PLA2G6: variants seen among roughly 807,000 people sequenced by gnomAD.
The protein encoded by PLA2G6 is 85/88 kDa calcium-independent phospholipase A2.
PLA2G6 carries 62 observed loss-of-function variants against 83.8 expected under a neutral mutation model. The observed-to-expected ratio is 0.74, with a 90% confidence interval of 0.60 to 0.91. The LOEUF (loss-of-function observed/expected upper bound fraction) is 0.91, where lower values mean the gene tolerates loss of function less well. Among genes scored for constraint, PLA2G6 ranks in the 40% least tolerant of loss-of-function variants. The probability of loss-of-function intolerance (pLI) is 0.00; values close to 1 mark genes in which losing one functional copy is unlikely to be tolerated. For synonymous variants in PLA2G6, 417 were observed against 449.8 expected (o/e 0.93, Z 0.92); for missense variants, 944 against 1,102.0 (o/e 0.86, Z 2.03).
chr22:38,169,566 C>T (rs1252492040), intron 1 of PLA2G6, 95 bp from the exon 2 acceptor site: 2 of 726,502 alleles, frequency 2.8e-6, no homozygotes, highest in African/African-American at 1.7e-5. Flanking sequence ...CCAGATCACT[C>T]CCCACCAGCG....
chr22:38,113,843 G>A, intron 14 of PLA2G6, 189 bp from the exon 15 acceptor site: 2 of 693,948 alleles, frequency 2.9e-6, no homozygotes, highest in South Asian at 3.0e-5. Context: ...AGAACGGCTG[G>A]TGCGGGCATC....
intron 5 of PLA2G6, 57 bp downstream of exon 5, chr22:38,139,925 G>A (rs1026809815): frequency 7.2e-7 from 1 of 1,398,540 alleles, no homozygotes. Flanking sequence ...CACGGGACAG[G>A]TGACAGGAGA....
At chr22:38,112,431 C>T in intron 16 of PLA2G6, 73 bp downstream of exon 16, 1 of 1,506,630 alleles carries the variant, frequency 6.6e-7, no homozygotes, top group African/African-American at 1.4e-5. Context: ...CACACTAGGG[C>T]TGGGAGGGGA....
In PLA2G6 at chr22:38,174,223, C is replaced by G. The variant is rs368514958; in HGVS notation, c.-45-4752G>C. Among the ~76,000 whole-genome samples, 228 of 151,756 alleles carry G rather than the reference C, an allele frequency of 1.5e-3. 1 individual carries two copies. The highest frequency in any genetic ancestry group is 5.4e-3 in the African/African-American group (225 of 41,350). On this transcript the variant is annotated intron_variant, in intron 1 of 16. Coordinates refer to ENST00000332509, the MANE Select transcript of PLA2G6 (RefSeq NM_003560.4). ...CATCCTGGCTAACATGGTGAAACCCCGTCTCTACTAAAAATACAAAAAAAA... is the reference window on the plus strand; with the variant it reads ...CATCCTGGCTAACATGGTGAAACCCGGTCTCTACTAAAAATACAAAAAAAA...
chr22:38,116,182 C>T lies in PLA2G6; in HGVS notation c.1772G>A (p.Arg591Gln), dbSNP rs776713955. 14 of 1,613,994 alleles carry T rather than the reference C, an allele frequency of 8.7e-6. No homozygotes were observed. Among genetic ancestry groups the T allele is most frequent in the East Asian group, 2.2e-5 (1 of 44,864 alleles). ...GAAGAGGTGGAGTTCAGCCGGCTGC[C>T]GGTCAGACAGTGTCCCTGTCAGCAT... The part of the protein sequence containing the change: ...KVMLTGTLSD[R>Q]QPAELHLFRN... Residue 591 changes from arginine to glutamine, a missense_variant, in exon 13 of 17, where the codon CGG becomes CAG. Arg to Gln is a conservative substitution (Grantham distance 43). Transcript: ENST00000332509.
At chr22:38,116,035 GCCAGTCGCTTC>G in intron 13 of PLA2G6, 29 bp downstream of exon 13, 1 of 1,609,778 alleles carries the variant, frequency 6.2e-7, no homozygotes, top group Non-Finnish European at 8.5e-7. Context: ...AGCCTCTCGG[GCCAGTCGCTTC>G]CCATGGATGC....
At chr22:38,140,567 G>A (rs1289117916) in intron 4 of PLA2G6, 2 of 263,510 alleles carry the variant, frequency 7.6e-6, no homozygotes, top group Non-Finnish European at 1.5e-5. Flanking sequence ...GGATGGGAGG[G>A]AAGGGGTCGA....
chr22:38,153,656 C>A (rs2089665408), intron 2 of PLA2G6, among the ~76,000 whole-genome samples: 1 of 151,496 alleles, frequency 6.6e-6, no homozygotes, highest in South Asian at 2.1e-4. Context: ...AAAAAAGATG[C>A]CCAAATAGAA....
chr22:38,154,515 T>C (rs1292567652), intron 2 of PLA2G6, among the ~76,000 whole-genome samples: 5 of 152,260 alleles, frequency 3.3e-5, no homozygotes, highest in Non-Finnish European at 7.3e-5. Context: ...GTGGTACCTT[T>C]ACGAGTCTGC....
intron 3 of PLA2G6, 198 bp downstream of exon 3, chr22:38,145,240 G>C (rs1470072966): frequency 7.9e-6 from 5 of 635,738 alleles, no homozygotes; most frequent in Non-Finnish European, 1.1e-5. Context: ...ATTTTGCCAG[G>C]CTGGTCTTGA....
rs909970187 is a variant in PLA2G6, at chr22:38,133,169, A to C, written c.895-156T>G. 5.6e-6 allele frequency: 4 copies of C among 712,704 alleles called. No individual in the cohort carries two copies. The East Asian group carries it at 8.2e-5, about 15-fold the overall frequency. 44.1% of individuals were successfully genotyped at this position (712,704 alleles called of 1,614,324 possible). On this transcript the variant is annotated intron_variant, in intron 6 of 16. Transcript: ENST00000332509. Reference sequence around the variant, plus strand: ...GATTCCAGGGGCAGGCCCCAGTTCTAGGGGGGCCTAGACTGCCTCCCATCC... The same window carrying C: ...GATTCCAGGGGCAGGCCCCAGTTCTCGGGGGGCCTAGACTGCCTCCCATCC...
intron 2 of PLA2G6, among the ~76,000 whole-genome samples, chr22:38,165,417 G>A (rs1012503016): frequency 1.3e-5 from 2 of 152,234 alleles, no homozygotes; most frequent in East Asian, 1.9e-4. Context: ...GGTCAGGGGA[G>A]GGCAAGAGGA....
chr22:38,125,013 G>A (rs2087751573), intron 10 of PLA2G6, among the ~76,000 whole-genome samples: 2 of 152,226 alleles, frequency 1.3e-5, no homozygotes, highest in African/African-American at 4.8e-5. Flanking sequence ...GCAGGGTTCT[G>A]AGGCTCCAGA....
intron 1 of PLA2G6, among the ~76,000 whole-genome samples, chr22:38,175,304 AC>A (rs1231119041): frequency 6.6e-6 from 1 of 151,980 alleles, no homozygotes; most frequent in Non-Finnish European, 1.5e-5. Context: ...ACGGTTCCCA[AC>A]CCAGCCTGAC....
At chr22:38,160,689 C>T (rs2089973855) in intron 2 of PLA2G6, among the ~76,000 whole-genome samples, 1 of 152,068 alleles carries the variant, frequency 6.6e-6, no homozygotes, top group South Asian at 2.1e-4. Flanking sequence ...TACTAAAATA[C>T]AAAAAATTAG....
chr22:38,116,306 G>A, intron 12 of PLA2G6, 95 bp from the exon 13 acceptor site: 1 of 1,347,016 alleles, frequency 7.4e-7, no homozygotes, highest in African/African-American at 1.4e-5. Flanking sequence ...GGGTAGCAGA[G>A]TGCCCACTCC....
chr22:38,112,611 C>A, intron 15 of PLA2G6, 34 bp from the exon 16 acceptor site: 1 of 1,524,386 alleles, frequency 6.6e-7, no homozygotes, highest in Non-Finnish European at 8.9e-7. Context: ...GTGCCGGGCC[C>A]ACACCCCGCC....
chr22:38,141,055 G>C (rs1387463031), intron 4 of PLA2G6: 1 of 152,264 alleles, frequency 6.6e-6, no homozygotes, highest in Admixed American at 6.6e-5. Context: ...TTAGCCGGGT[G>C]TGGTGGCGGG....
Position 38,111,731 on chromosome 22 carries a change from A to C in PLA2G6, c.*430T>G, listed in dbSNP as rs903088869. On this transcript the variant is annotated 3_prime_UTR_variant, in exon 17 of 17. Transcript: ENST00000332509. ...TTTAGTCCCAGCCCCCAGGGAACGGAGCAGAGGGCAGAGGGAGTGGGCTGC... is the reference window on the plus strand; with the variant it reads ...TTTAGTCCCAGCCCCCAGGGAACGGCGCAGAGGGCAGAGGGAGTGGGCTGC... 3.5e-6 allele frequency: 1 copy of C among 284,440 alleles called. No homozygotes were observed. The highest frequency in any genetic ancestry group is 2.2e-5 in the African/African-American group (1 of 45,462). The allele number at this position is 284,440 out of a possible 1,614,324, so 17.6% of individuals were successfully genotyped here.
Sources: allele counts gnomAD v4.1 joint callset (sites outside exome capture counted in the v4.1 genomes callset), GRCh38; gene constraint gnomAD v4.1.1; transcripts MANE v1.5; gene names NCBI Gene and HGNC (gene_info 2026-07-23, HGNC 2026-07-21).